Variants in TAF4B observed in about 807,000 individuals in gnomAD.
The protein encoded by TAF4B is transcription initiation factor TFIID subunit 4B.
A neutral mutation model predicts 86.4 loss-of-function variants in TAF4B; 38 were observed. The ratio of observed to expected loss-of-function variants is 0.44; its 90% confidence interval spans 0.34 to 0.58. The LOEUF (loss-of-function observed/expected upper bound fraction) is 0.58, where lower values mean the gene tolerates loss of function less well. Among genes scored for constraint, TAF4B ranks in the 20% least tolerant of loss-of-function variants. TAF4B has a pLI of 0.02. For missense variants in TAF4B, 988 were observed against 1,027.6 expected (o/e 0.96, Z 0.53); for synonymous variants, 388 against 391.2 (o/e 0.99, Z 0.10).
intron 13 of TAF4B, among the ~76,000 whole-genome samples, chr18:26,339,781 G>T (rs1056847185): frequency 2.0e-5 from 3 of 152,138 alleles, no homozygotes; most frequent in African/African-American, 7.2e-5. Flanking sequence ...TTAGCACATC[G>T]TCCAGAATTT....
chr18:26,272,118 T>C (rs192175708), intron 3 of TAF4B, among the ~76,000 whole-genome samples: 29 of 152,178 alleles, frequency 1.9e-4, no homozygotes, highest in Admixed American at 7.2e-4. Context: ...CTGATCTTCC[T>C]GAGGCTCCAC....
chr18:26,389,269 A>G (rs1978563427), intron 14 of TAF4B, among the ~76,000 whole-genome samples: 3 of 152,192 alleles, frequency 2.0e-5, no homozygotes, highest in Admixed American at 6.5e-5. Flanking sequence ...TAGAAAAGAG[A>G]TAATATATGA....
chr18:26,298,457 C>T (rs981083134), intron 9 of TAF4B, among the ~76,000 whole-genome samples: 1 of 152,108 alleles, frequency 6.6e-6, no homozygotes, highest in African/African-American at 2.4e-5. Flanking sequence ...TGGTCTCAAT[C>T]TCCTGACCTT....
rs2056533993 is a variant in TAF4B at position 26,287,138 on chromosome 18, G to T, written c.1590+639G>T. 5.3e-5 allele frequency among the ~76,000 whole-genome samples: 8 copies of T among 152,304 alleles called. 1 individual carries two copies. In the South Asian group the frequency reaches 1.7e-3, roughly 32 times the overall value. Reference sequence around the variant, plus strand: ...CACACAGGAAATTAATATTGGTACAGTATTTCTGTAGTTGTCCCAATAATG... The same window carrying T: ...CACACAGGAAATTAATATTGGTACATTATTTCTGTAGTTGTCCCAATAATG... On this transcript the variant is annotated intron_variant, in intron 7 of 14. Transcript: ENST00000269142.
At chr18:26,347,161 C>G (rs1339369658) in intron 13 of TAF4B, among the ~76,000 whole-genome samples, 1 of 151,412 alleles carries the variant, frequency 6.6e-6, no homozygotes, top group Non-Finnish European at 1.5e-5. Flanking sequence ...ACCTTGTGAT[C>G]CGTCCGCCTC....
chr18:26,314,375 G>T (rs138769616), intron 9 of TAF4B, among the ~76,000 whole-genome samples: 1 of 152,156 alleles, frequency 6.6e-6, no homozygotes, highest in East Asian at 1.9e-4. Flanking sequence ...TCTTAGTGCT[G>T]TGGCCACGTA....
chr18:26,235,805 T>C, intron 1 of TAF4B, among the ~76,000 whole-genome samples: 1 of 152,100 alleles, frequency 6.6e-6, no homozygotes, highest in East Asian at 1.9e-4. Context: ...GGTATAGGGG[T>C]TGGGTACAAC....
intron 14 of TAF4B, among the ~76,000 whole-genome samples, chr18:26,376,186 A>T (rs2057441529): frequency 6.7e-6 from 1 of 149,482 alleles, no homozygotes; most frequent in Non-Finnish European, 1.5e-5. Flanking sequence ...GGTCCTTTAT[A>T]TTTTCATGCG....
chr18:26,232,170 C>T (rs2055681817), intron 1 of TAF4B, among the ~76,000 whole-genome samples: 1 of 152,162 alleles, frequency 6.6e-6, no homozygotes, highest in Non-Finnish European at 1.5e-5. Flanking sequence ...GAAAAGTTCT[C>T]CAAGTCTGCA....
chr18:26,293,331 A>G (rs544300302), intron 8 of TAF4B, 95 bp from the exon 9 acceptor site: 6 of 770,332 alleles, frequency 7.8e-6, no homozygotes, highest in East Asian at 2.8e-5. Flanking sequence ...TTCTTTGATT[A>G]TTCTATATAT....
intron 1 of TAF4B, among the ~76,000 whole-genome samples, chr18:26,240,120 T>G (rs1598712172): frequency 1.3e-5 from 2 of 152,234 alleles, no homozygotes; most frequent in East Asian, 3.8e-4. Flanking sequence ...TCCAATTCTG[T>G]GAAGAAAGTC....
chr18:26,334,911 T>G (rs970672053), intron 12 of TAF4B, among the ~76,000 whole-genome samples: 8 of 152,146 alleles, frequency 5.3e-5, no homozygotes, highest in African/African-American at 1.9e-4. Flanking sequence ...AAGAACAACG[T>G]CATGCCTCAA....
intron 9 of TAF4B, among the ~76,000 whole-genome samples, chr18:26,298,406 G>A (rs1311708755): frequency 6.6e-6 from 1 of 151,730 alleles, no homozygotes; most frequent in East Asian, 2.0e-4. Flanking sequence ...TTTTGTTTTT[G>A]TATTTTTAGT....
rs1055020794 is a variant in TAF4B, at chr18:26,334,260, C to T, written c.2260-915C>T. On this transcript the variant is annotated intron_variant, in intron 12 of 14. Transcript: ENST00000269142. The stretch of plus-strand genomic sequence containing the variant: ...GACTATCTCTTATATTTTCCTTTAA[C>T]CAAAGGTTCTGGTAAATCAATAAAT... Among the ~76,000 whole-genome samples, 8 of 152,006 alleles carry T rather than the reference C, an allele frequency of 5.3e-5. No homozygotes were observed. In the South Asian group the frequency reaches 1.7e-3, roughly 32 times the overall value.
At chr18:26,369,153 A>G (rs533959613) in intron 14 of TAF4B, among the ~76,000 whole-genome samples, 3 of 152,304 alleles carry the variant, frequency 2.0e-5, no homozygotes, top group Admixed American at 6.5e-5. Context: ...ATATTTGAGG[A>G]AAAACCTTTA....
chr18:26,236,121 A>G (rs1598707173), intron 1 of TAF4B, among the ~76,000 whole-genome samples: 1 of 152,306 alleles, frequency 6.6e-6, no homozygotes, highest in East Asian at 1.9e-4. Flanking sequence ...CTAGGGGACA[A>G]CAAATGGGTA....
Position 26,389,910 on chromosome 18 carries a change from T to C in TAF4B, c.2487T>C (p.Arg829=). ...SSLTATKQLH[R]PRITRICLRD... is the part of the protein sequence containing the mutation. Reference sequence around the variant, plus strand: ...TGACAGCCACCAAACAGTTGCATCGTCCAAGAATCACGAGAATCTGCCTCA... The same window carrying C: ...TGACAGCCACCAAACAGTTGCATCGCCCAAGAATCACGAGAATCTGCCTCA... The change falls in exon 15 of 15, where the codon CGT becomes CGC. Residue 829 remains arginine, a synonymous_variant. Transcript: ENST00000269142. 1 of 1,614,132 alleles carries C rather than the reference T, an allele frequency of 6.2e-7. No individual in the cohort carries two copies. The highest frequency in any genetic ancestry group is 8.5e-7 in the Non-Finnish European group (1 of 1,179,972).
At position 26,275,524 on chromosome 18, in the gene TAF4B, A is replaced by C. The variant is rs182107372; in HGVS notation, c.882+471A>C. ...GCTTCTTGAAAGCTTTGTAAAGACT[A>C]TAAATCTTGGCTAGAAAAACCTATT... On this transcript the variant is annotated intron_variant, in intron 5 of 14. Coordinates refer to ENST00000269142, the MANE Select transcript of TAF4B (RefSeq NM_005640.3). Among the ~76,000 whole-genome samples, 5 of 152,328 alleles carry C rather than the reference A, an allele frequency of 3.3e-5. No homozygotes were observed. The East Asian group carries it at 9.6e-4, about 29-fold the overall frequency.
intron 1 of TAF4B, among the ~76,000 whole-genome samples, chr18:26,235,082 C>T (rs1174008652): frequency 1.3e-5 from 2 of 152,142 alleles, no homozygotes; most frequent in Non-Finnish European, 2.9e-5. Context: ...AAGAGCTATT[C>T]CCACTCTCTG....
Sources: gnomAD v4.1 joint callset for allele counts (sites outside exome capture counted in the v4.1 genomes callset) on GRCh38, gnomAD v4.1.1 for gene constraint, MANE v1.5 for transcripts, NCBI Gene and HGNC (gene_info 2026-07-23, HGNC 2026-07-21) for gene names.